Variants in PDE7B observed in about 807,000 individuals in gnomAD.
PDE7B encodes the protein phosphodiesterase 7B.
Under a neutral mutation model 56.2 loss-of-function variants are expected in PDE7B, and 29 were observed. The ratio of observed to expected loss-of-function variants is 0.52; its 90% CI spans 0.38 to 0.70. The LOEUF (loss-of-function observed/expected upper bound fraction) is 0.70, where lower values mean the gene tolerates loss of function less well. PDE7B is among the 30% of genes least tolerant of loss of function. PDE7B has a pLI of 0.00. For synonymous variants in PDE7B, 197 were observed against 196.9 expected, an observed-to-expected ratio of 1.00 and a Z score of 0.00; for missense variants, 490 against 565.0, an observed-to-expected ratio of 0.87 and a Z score of 1.35.
chr6:136,057,660 A>G (rs1776761414), intron 2 of PDE7B, among the ~76,000 whole-genome samples: 1 of 152,190 alleles, frequency 6.6e-6, no homozygotes, highest in South Asian at 2.1e-4. Context: ...ATGGCCACTT[A>G]AGTCAAAAAC....
intron 2 of PDE7B, among the ~76,000 whole-genome samples, chr6:135,976,127 T>A (rs901027682): frequency 1.3e-5 from 2 of 152,060 alleles, no homozygotes; most frequent in Non-Finnish European, 2.9e-5. Context: ...TCCCAGATAA[T>A]CAAACTAGTT....
intron 2 of PDE7B, among the ~76,000 whole-genome samples, chr6:135,981,162 T>C (rs1006622376): frequency 1.3e-5 from 2 of 151,822 alleles, no homozygotes; most frequent in Non-Finnish European, 1.5e-5. Context: ...GAAATCATCA[T>C]TCTCAGTAAA....
At chr6:136,050,614 C>T (rs1239209855) in intron 2 of PDE7B, among the ~76,000 whole-genome samples, 1 of 152,098 alleles carries the variant, frequency 6.6e-6, no homozygotes, top group East Asian at 1.9e-4. Context: ...GTGTAAGTGG[C>T]TATTGTGGCT....
At chr6:136,104,946 C>T (rs1413820048) in intron 2 of PDE7B, among the ~76,000 whole-genome samples, 3 of 152,058 alleles carry the variant, frequency 2.0e-5, no homozygotes, top group Non-Finnish European at 4.4e-5. Context: ...TTGTTATTGC[C>T]GATTTGTTTG....
At chr6:136,020,782 T>G (rs73560523) in intron 2 of PDE7B, among the ~76,000 whole-genome samples, 67 of 152,346 alleles carry the variant, frequency 4.4e-4, no homozygotes, top group African/African-American at 1.6e-3. Context: ...GGTCACCTCT[T>G]GTCTCTGCTG....
At chr6:136,173,930 A>C (rs1460121162) in intron 9 of PDE7B, 42 bp downstream of exon 9, 1 of 1,387,866 alleles carries the variant, frequency 7.2e-7, no homozygotes. Flanking sequence ...TGCATGCAGT[A>C]AAGATAAGCC....
chr6:135,916,533 C>T (rs1398919405), intron 1 of PDE7B, among the ~76,000 whole-genome samples: 6 of 151,398 alleles, frequency 4.0e-5, no homozygotes, highest in Admixed American at 4.0e-4. Flanking sequence ...GCTGGGAATA[C>T]AGGTGACCGC....
At position 136,137,703 on chromosome 6, in the gene PDE7B, C is replaced by T. The variant is rs548384384; in HGVS notation, c.167-9648C>T. Among the ~76,000 whole-genome samples, 8 of 152,016 alleles carry T rather than the reference C, an allele frequency of 5.3e-5. No homozygotes were observed. The South Asian group carries it at 1.7e-3, about 31-fold the overall frequency. ...TTCTCCTGGTACCAAAATTAATCAGCCCCTATACAGAGACTATTCCATAAA... is the reference window on the plus strand; with the variant it reads ...TTCTCCTGGTACCAAAATTAATCAGTCCCTATACAGAGACTATTCCATAAA... On this transcript the variant is annotated intron_variant, in intron 3 of 12. Coordinates refer to ENST00000308191, the MANE Select transcript of PDE7B (RefSeq NM_018945.4).
At chr6:135,971,842 C>A (rs1289634397) in intron 2 of PDE7B, among the ~76,000 whole-genome samples, 1 of 152,116 alleles carries the variant, frequency 6.6e-6, no homozygotes, top group African/African-American at 2.4e-5. Context: ...AAGTATGAAA[C>A]CTTATGTAAA....
intron 3 of PDE7B, among the ~76,000 whole-genome samples, chr6:136,144,021 T>C (rs978062381): frequency 3.9e-5 from 6 of 151,922 alleles, no homozygotes; most frequent in African/African-American, 1.4e-4. Flanking sequence ...TTTTAAAGAA[T>C]ATGAAAAAAA....
intron 2 of PDE7B, among the ~76,000 whole-genome samples, chr6:136,054,600 T>C (rs978329874): frequency 1.3e-5 from 2 of 152,176 alleles, no homozygotes; most frequent in Admixed American, 6.5e-5. Flanking sequence ...AGAAAGTCAT[T>C]GGTAGCTCGA....
chr6:135,852,885 AC>A, intron 1 of PDE7B, among the ~76,000 whole-genome samples: 1 of 152,278 alleles, frequency 6.6e-6, no homozygotes, highest in South Asian at 2.1e-4. Context: ...ATAAGAGTAA[AC>A]CTCTTTGCAC....
rs149410296 is a variant in PDE7B at position 136,088,696 on chromosome 6, G to A, written c.83-20035G>A. ...CAGTAGGCTGGGGGGATAGGAAAGT[G>A]ACAACTGAAAGGTACAGGGTTCCTT... On this transcript the variant is annotated intron_variant, in intron 2 of 12. Coordinates refer to ENST00000308191, the MANE Select transcript of PDE7B (RefSeq NM_018945.4). Among the ~76,000 whole-genome samples, 94 of 152,270 alleles carry A rather than the reference G, an allele frequency of 6.2e-4. No individual in the cohort carries two copies. The East Asian group carries it at 0.014, about 23-fold the overall frequency.
intron 2 of PDE7B, among the ~76,000 whole-genome samples, chr6:136,008,644 G>A (rs1393251829): frequency 6.6e-6 from 1 of 152,214 alleles, no homozygotes; most frequent in Non-Finnish European, 1.5e-5. Flanking sequence ...TTTGAGAAGT[G>A]TCTGTTCACG....
intron 11 of PDE7B, among the ~76,000 whole-genome samples, chr6:136,183,895 A>C (rs1051127263): frequency 1.3e-5 from 2 of 152,152 alleles, no homozygotes; most frequent in African/African-American, 4.8e-5. Flanking sequence ...AAGGAAAACA[A>C]GAACCCATGA....
intron 1 of PDE7B, among the ~76,000 whole-genome samples, chr6:135,883,647 T>G (rs1775650515): frequency 2.0e-5 from 3 of 152,232 alleles, no homozygotes; most frequent in African/African-American, 7.2e-5. Flanking sequence ...TGCTCACATG[T>G]GGCTGGCACT....
At chr6:135,900,951 A>G (rs1030071038) in intron 1 of PDE7B, among the ~76,000 whole-genome samples, 1 of 152,134 alleles carries the variant, frequency 6.6e-6, no homozygotes, top group Admixed American at 6.6e-5. Flanking sequence ...TTGATCCATA[A>G]ATTTGAATGC....
intron 2 of PDE7B, among the ~76,000 whole-genome samples, chr6:135,948,872 TAGATAGATAGATAGATAGATAGATAGAC>T (rs1396571420): frequency 3.6e-4 from 53 of 146,490 alleles, no homozygotes; most frequent in African/African-American, 1.3e-3. Flanking sequence ...GATAGATAGA[TAGATAGATAGATAGATAGATAGATAGAC>T]AGACAGACAG....
chr6:135,961,452 C>T (rs1181763348), intron 2 of PDE7B, among the ~76,000 whole-genome samples: 2 of 152,064 alleles, frequency 1.3e-5, no homozygotes, highest in Non-Finnish European at 2.9e-5. Context: ...CATAATTCAT[C>T]ATTTGACTCA....
Sources: allele counts gnomAD v4.1 joint callset (sites outside exome capture counted in the v4.1 genomes callset), GRCh38; gene constraint gnomAD v4.1.1; transcripts MANE v1.5; gene names NCBI Gene and HGNC (gene_info 2026-07-23, HGNC 2026-07-21).